The following LHFPL3 variants were observed in gnomAD, a reference collection of about 807,000 sequenced individuals.
The protein encoded by LHFPL3 is LHFPL tetraspan subfamily member 3.
In LHFPL3, 5 loss-of-function variants were observed where a neutral mutation model predicts 19.3. The observed-to-expected ratio is 0.26, with a 90% CI of 0.14 to 0.54. The LOEUF is 0.54. Among genes scored for constraint, LHFPL3 ranks in the 20% least tolerant of loss-of-function variants. The probability of loss-of-function intolerance (pLI) is 0.94; values close to 1 mark genes in which losing one functional copy is unlikely to be tolerated. For synonymous variants in LHFPL3, 133 were observed against 126.2 expected, an observed-to-expected ratio of 1.05 and a Z score of -0.36; for missense variants, 249 against 307.4, an observed-to-expected ratio of 0.81 and a Z score of 1.42.
chr7:104,359,701 G>T (rs890389913), intron 1 of LHFPL3, among the ~76,000 whole-genome samples: 1 of 152,240 alleles, frequency 6.6e-6, no homozygotes, highest in Non-Finnish European at 1.5e-5. Context: ...CCCAGATAAT[G>T]AGAATCAAGG....
chr7:104,859,689 GTA>G (rs771081824), intron 2 of LHFPL3, among the ~76,000 whole-genome samples: 1 of 152,040 alleles, frequency 6.6e-6, no homozygotes, highest in Non-Finnish European at 1.5e-5. Context: ...AATAAATAAA[GTA>G]TAAGTAGAGG....
At chr7:104,874,146 CTTA>C (rs1399333373) in intron 2 of LHFPL3, among the ~76,000 whole-genome samples, 2 of 152,208 alleles carry the variant, frequency 1.3e-5, no homozygotes, top group African/African-American at 2.4e-5. Flanking sequence ...TCTAATTCTA[CTTA>C]TTATTAGAAT....
chr7:104,493,674 A>G (rs1793402036), intron 1 of LHFPL3, among the ~76,000 whole-genome samples: 3 of 150,674 alleles, frequency 2.0e-5, no homozygotes, highest in South Asian at 2.1e-4. Flanking sequence ...TAATTTTCAG[A>G]TATCATTGGT....
At chr7:104,453,045 A>G (rs1302732763) in intron 1 of LHFPL3, among the ~76,000 whole-genome samples, 1 of 152,182 alleles carries the variant, frequency 6.6e-6, no homozygotes, top group Non-Finnish European at 1.5e-5. Flanking sequence ...TGTCTGTCAT[A>G]TGTATTTCAA....
In LHFPL3 at chr7:104,611,873, G is replaced by T. The variant is rs948006817; in HGVS notation, c.446-124802G>T. 3.9e-5 allele frequency among the ~76,000 whole-genome samples: 6 copies of T among 152,166 alleles called. No homozygotes were observed. The South Asian group carries it at 8.3e-4, about 21-fold the overall frequency. ...CAGACGTGCTGTGCTTTGTATAATA[G>T]ATGATGCAGTCCTGTGCTTCCTTAT... On this transcript the variant is annotated intron_variant, in intron 1 of 2. Transcript: ENST00000424859.
intron 1 of LHFPL3, among the ~76,000 whole-genome samples, chr7:104,529,433 G>A (rs563586287): frequency 1.6e-4 from 24 of 152,178 alleles, no homozygotes; most frequent in African/African-American, 3.4e-4. Flanking sequence ...TGACTGTGCC[G>A]TTCCCACTGC....
At chr7:104,569,413 G>A (rs13232800) in intron 1 of LHFPL3, among the ~76,000 whole-genome samples, 2,511 of 152,238 alleles carry the variant, frequency 0.016, 50 homozygotes, top group East Asian at 0.12. Flanking sequence ...CTCACTCATG[G>A]CAAATGTAGA....
intron 1 of LHFPL3, among the ~76,000 whole-genome samples, chr7:104,462,567 C>A (rs771440855): frequency 1.9e-4 from 29 of 152,150 alleles, no homozygotes; most frequent in Non-Finnish European, 3.8e-4. Context: ...TTGAACCAAC[C>A]TTGTATCCCG....
At position 104,865,238 on chromosome 7, in the gene LHFPL3, G is replaced by C. The variant is rs576638755; in HGVS notation, c.683-40949G>C. On this transcript the variant is annotated intron_variant, in intron 2 of 2. Coordinates refer to ENST00000424859, the MANE Select transcript of LHFPL3 (RefSeq NM_199000.3). ...AAGCTGGATGGGGAATGACTTTGAC[G>C]AGTTGAGAGAAGAAGGCTTCAGACG... Among the ~76,000 whole-genome samples, 3 of 152,280 alleles carry C rather than the reference G, an allele frequency of 2.0e-5. No individual in the cohort carries two copies. In the East Asian group the frequency reaches 5.8e-4, roughly 29 times the overall value.
At chr7:104,557,135 C>G (rs1217318156) in intron 1 of LHFPL3, among the ~76,000 whole-genome samples, 2 of 152,224 alleles carry the variant, frequency 1.3e-5, no homozygotes, top group East Asian at 3.8e-4. Context: ...GCCCTCCAAA[C>G]TCTTCCAATC....
At chr7:104,446,335 T>C (rs1165377848) in intron 1 of LHFPL3, among the ~76,000 whole-genome samples, 1 of 152,166 alleles carries the variant, frequency 6.6e-6, no homozygotes, top group African/African-American at 2.4e-5. Flanking sequence ...TGCAGAGCTG[T>C]GTTGTTACAG....
intron 1 of LHFPL3, among the ~76,000 whole-genome samples, chr7:104,421,575 G>A (rs1791734131): frequency 6.6e-6 from 1 of 152,204 alleles, no homozygotes; most frequent in Non-Finnish European, 1.5e-5. Flanking sequence ...TCTTCAGTGA[G>A]TATTTGGAAA....
intron 2 of LHFPL3, among the ~76,000 whole-genome samples, chr7:104,849,648 C>T (rs1001451578): frequency 2.0e-5 from 3 of 152,246 alleles, no homozygotes; most frequent in African/African-American, 7.2e-5. Flanking sequence ...AGAGGTTCAA[C>T]AAAGTAGGGA....
chr7:104,468,752 G>A (rs547964499), intron 1 of LHFPL3, among the ~76,000 whole-genome samples: 4 of 151,162 alleles, frequency 2.6e-5, no homozygotes, highest in Admixed American at 2.0e-4. Flanking sequence ...TCCACCTCGC[G>A]GGTTCAAGCA....
At chr7:104,355,086 T>C (rs760407015) in intron 1 of LHFPL3, among the ~76,000 whole-genome samples, 7 of 152,216 alleles carry the variant, frequency 4.6e-5, no homozygotes, top group African/African-American at 7.2e-5. Flanking sequence ...TTATAAAATT[T>C]TGGATATGCC....
At chr7:104,448,892 A>G (rs1316614370) in intron 1 of LHFPL3, among the ~76,000 whole-genome samples, 9 of 152,232 alleles carry the variant, frequency 5.9e-5, no homozygotes, top group Non-Finnish European at 1.2e-4. Context: ...AAACCCATTC[A>G]AGAAGATATG....
intron 1 of LHFPL3, among the ~76,000 whole-genome samples, chr7:104,415,082 T>G (rs887813085): frequency 7.9e-5 from 12 of 152,228 alleles, no homozygotes; most frequent in Non-Finnish European, 1.3e-4. Context: ...GGATAACTTT[T>G]TAATTATCAA....
chr7:104,709,813 C>G (rs12537595), intron 1 of LHFPL3, among the ~76,000 whole-genome samples: 50,186 of 120,822 alleles, frequency 0.42, 8,832 homozygotes, highest in East Asian at 0.68. Flanking sequence ...ATGGCGGCTG[C>G]GAAGAGGCGT....
At chr7:104,398,505 CTG>C (rs1291643450) in intron 1 of LHFPL3, among the ~76,000 whole-genome samples, 1 of 152,156 alleles carries the variant, frequency 6.6e-6, no homozygotes, top group Non-Finnish European at 1.5e-5. Context: ...ATCTGAGAAA[CTG>C]TTCCAGTAAA....
Sources: gnomAD v4.1 joint callset for allele counts (sites outside exome capture counted in the v4.1 genomes callset) on GRCh38, gnomAD v4.1.1 for gene constraint, MANE v1.5 for transcripts, NCBI Gene and HGNC (gene_info 2026-07-23, HGNC 2026-07-21) for gene names.